FBXO22: variants seen among roughly 807,000 people sequenced by gnomAD.
FBXO22 encodes the protein F-box only protein 22.
Under a neutral mutation model 37.2 loss-of-function variants are expected in FBXO22, and 13 were observed. That is an observed-to-expected ratio of 0.35 (90% confidence interval 0.23 to 0.56). The LOEUF (loss-of-function observed/expected upper bound fraction) is 0.56. Ranked by LOEUF, FBXO22 falls within the 20% of genes least tolerant of loss-of-function variation. FBXO22 has a pLI of 0.87. For missense variants in FBXO22, 446 were observed against 509.9 expected (o/e 0.87, Z 1.21); for synonymous variants, 189 against 189.1 (o/e 1.00, Z 0.00).
intron 2 of FBXO22, among the ~76,000 whole-genome samples, chr15:75,907,068 A>G (rs1329142316): frequency 6.6e-6 from 1 of 152,054 alleles, no homozygotes; most frequent in Non-Finnish European, 1.5e-5. Flanking sequence ...AAAGTTTTCT[A>G]TGGTTTTTAA....
intron 2 of FBXO22, among the ~76,000 whole-genome samples, chr15:75,908,253 T>C (rs547905115): frequency 6.6e-6 from 1 of 151,950 alleles, no homozygotes; most frequent in Non-Finnish European, 1.5e-5. Flanking sequence ...CACTAAGACC[T>C]AAATCTGTTT....
At position 75,913,187 on chromosome 15, in the gene FBXO22, T is replaced by C; in HGVS notation, c.280-16T>C. The C allele has an allele frequency of 5.0e-6, 8 of 1,591,962 alleles. 1 individual carries two copies. In the South Asian group the frequency reaches 8.9e-5, roughly 18 times the overall value. On this transcript the variant is annotated splice_polypyrimidine_tract_variant and intron_variant, in intron 2 of 6. Transcript: ENST00000308275. ...ATTCATGGGATCCAATTCCAATTTTTTTTTTTTCTTTGCAGAATGTTCGCA... is the reference window on the plus strand; with the variant it reads ...ATTCATGGGATCCAATTCCAATTTTCTTTTTTTCTTTGCAGAATGTTCGCA...
chr15:75,929,642 T>TTTTAG (rs897546584), intron 5 of FBXO22, among the ~76,000 whole-genome samples: 16 of 152,120 alleles, frequency 1.1e-4, no homozygotes, highest in Non-Finnish European at 2.2e-4. Flanking sequence ...AGCCATTTAG[T>TTTTAG]TTTTTTAATA....
Position 75,929,309 on chromosome 15 carries a change from C to CAA in FBXO22, c.629-563_629-562dup, listed in dbSNP as rs11378024. ...TAACATAGCGAGACCCCATCTCTAC[C>CAA]AAAAAAAAAAAAATTTTTTTTAAAG... On this transcript the variant is annotated intron_variant, in intron 5 of 6. Coordinates refer to ENST00000308275, the MANE Select transcript of FBXO22 (RefSeq NM_147188.3). Among the ~76,000 whole-genome samples the CAA allele has an allele frequency of 1.0e-3, 152 of 146,816 alleles. 1 individual carries two copies. Among genetic ancestry groups the CAA allele is most frequent in the Admixed American group, 1.6e-3 (24 of 14,800 alleles).
Position 75,939,893 on chromosome 15 carries a change from AG to A in FBXO22, c.*6792del, listed in dbSNP as rs1479583063. 6.6e-6 allele frequency: 1 copy of A among 152,128 alleles called. No individual in the cohort carries two copies. The highest frequency in any genetic ancestry group is 1.5e-5 in the Non-Finnish European group (1 of 67,986). 9.4% of individuals were successfully genotyped at this position (152,128 alleles called of 1,614,324 possible). On this transcript the variant is annotated 3_prime_UTR_variant, in exon 7 of 7. Transcript: ENST00000308275. ...GAGGAAACTACCTGAACATAATAAA[AG>A]CCAGACATGAAAAGCCCACGGTAGA... is the stretch of plus-strand genomic sequence containing the variant.
At chr15:75,931,495 A>G (rs541766464) in intron 6 of FBXO22, among the ~76,000 whole-genome samples, 61 of 152,366 alleles carry the variant, frequency 4.0e-4, no homozygotes, top group Non-Finnish European at 6.2e-4. Flanking sequence ...GAAATGTGAT[A>G]AAGTTTTAAG....
rs1020187483 is a variant in FBXO22 at position 75,913,275 on chromosome 15, C to T, written c.352C>T (p.Arg118Cys). 9.9e-6 allele frequency: 16 copies of T among 1,608,126 alleles called. No homozygotes were observed. The highest frequency in any genetic ancestry group is 1.2e-5 in the Non-Finnish European group (14 of 1,176,548). ...AACTTTCATTAGTCTGGAAGAGTGT[C>T]GTGGCCATAAGAGAGGTAAATATCA... ...SETFISLEEC[R>C]GHKRARKRTS... Residue 118 changes from arginine (R) to cysteine (C), a missense_variant, in exon 3 of 7, where the codon CGT becomes TGT. By Grantham distance (180) the Arg-to-Cys change is radical. Coordinates refer to ENST00000308275, the MANE Select transcript of FBXO22 (RefSeq NM_147188.3).
At position 75,933,031 on chromosome 15, in the gene FBXO22, G is replaced by A. The variant is rs1316063866; in HGVS notation, c.1141G>A (p.Val381Ile). 1.9e-6 allele frequency: 3 copies of A among 1,614,156 alleles called. No individual in the cohort carries two copies. The Admixed American group carries it at 5.0e-5, about 27-fold the overall frequency. Residue 381 changes from valine (V) to isoleucine (I), a missense_variant, in exon 7 of 7, where the codon GTA (valine) becomes ATA (isoleucine). Physicochemically the swap from Val to Ile is conservative, Grantham distance 29. Transcript: ENST00000308275. ...CTTTATATTGAGGAAATGTAATGAG[G>A]TAAAAGATGATGATCTGTTTCATAG... ...GNFILRKCNE[V>I]KDDDLFHSYT...
chr15:75,917,966 G>C (rs1211244870), intron 5 of FBXO22, among the ~76,000 whole-genome samples: 1 of 152,142 alleles, frequency 6.6e-6, no homozygotes, highest in Non-Finnish European at 1.5e-5. Flanking sequence ...AAGAGGTAAA[G>C]GGTTGGCTTA....
rs932595717 is a variant in FBXO22, at chr15:75,904,116, G to A, written c.140+13G>A. Reference sequence around the variant, plus strand: ...TGCGGGTGGCCTGGTGAGGAGAGGAGGCGGAGGCGGGAAGCTTGCCTGGGG... The same window carrying A: ...TGCGGGTGGCCTGGTGAGGAGAGGAAGCGGAGGCGGGAAGCTTGCCTGGGG... On this transcript the variant is annotated intron_variant, in intron 1 of 6. Coordinates refer to ENST00000308275, the MANE Select transcript of FBXO22 (RefSeq NM_147188.3). The A allele has an allele frequency of 2.5e-5, 38 of 1,532,246 alleles. No individual in the cohort carries two copies. The African/African-American group carries it at 5.0e-4, about 20-fold the overall frequency. 94.9% of individuals were successfully genotyped at this position (1,532,246 alleles called of 1,614,324 possible).
chr15:75,916,682 T>C (rs886568645), intron 4 of FBXO22, among the ~76,000 whole-genome samples: 1 of 152,230 alleles, frequency 6.6e-6, no homozygotes, highest in African/African-American at 2.4e-5. Context: ...TTTCCATGTC[T>C]ATAAATATAT....
intron 5 of FBXO22, 131 bp downstream of exon 5, chr15:75,917,525 T>G (rs1055109661): frequency 1.4e-5 from 9 of 620,712 alleles, no homozygotes; most frequent in South Asian, 9.1e-5. Context: ...TCACTGGAGA[T>G]GTGGCTAATT....
intron 2 of FBXO22, among the ~76,000 whole-genome samples, chr15:75,908,312 G>A (rs548462482): frequency 4.7e-5 from 7 of 149,928 alleles, no homozygotes; most frequent in African/African-American, 7.4e-5. Flanking sequence ...CTCGCCTGTC[G>A]CCCAGGCTGG....
intron 5 of FBXO22, among the ~76,000 whole-genome samples, chr15:75,927,428 C>A (rs996556612): frequency 1.3e-5 from 2 of 152,090 alleles, no homozygotes; most frequent in Admixed American, 1.3e-4. Context: ...CATGAGGTTT[C>A]TAAAAGCTAA....
chr15:75,916,450 G>A (rs954551642), intron 4 of FBXO22, among the ~76,000 whole-genome samples: 1 of 152,134 alleles, frequency 6.6e-6, no homozygotes, highest in Non-Finnish European at 1.5e-5. Flanking sequence ...AGCATGCTTG[G>A]TGTCTCTTCC....
At position 75,933,094 on chromosome 15, in the gene FBXO22, T is replaced by C; in HGVS notation, c.1204T>C (p.Ser402Pro). The C allele has an allele frequency of 1.9e-6, 3 of 1,591,228 alleles. No homozygotes were observed. Among genetic ancestry groups the C allele is most frequent in the Non-Finnish European group, 2.6e-6 (3 of 1,169,986 alleles). Residue 402 changes from serine (S) to proline (P), a missense_variant, in exon 7 of 7, where the codon TCT becomes CCT. This residue lies in a region of FBXO22 where 315 missense variants were observed against 410.1 expected (regional missense o/e 0.77). Coordinates refer to ENST00000308275, the MANE Select transcript of FBXO22 (RefSeq NM_147188.3). ...TIMALIHLGSSK is the reference protein window; with the variant it reads ...TIMALIHLGSPK ...AATGGCACTCATACATCTGGGGTCA[T>C]CTAAATAATAATTAAAGTGGCTTTC...
At chr15:75,920,471 T>C (rs1438616580) in intron 5 of FBXO22, among the ~76,000 whole-genome samples, 2 of 152,150 alleles carry the variant, frequency 1.3e-5, no homozygotes, top group African/African-American at 2.4e-5. Flanking sequence ...ATCAATGTGT[T>C]GATGTTGACG....
chr15:75,934,322 TC>T lies in FBXO22; in HGVS notation c.*1221del, dbSNP rs1208381100. 2 of 152,272 alleles carry T rather than the reference TC, an allele frequency of 1.3e-5. No homozygotes were observed. Among genetic ancestry groups the T allele is most frequent in the Non-Finnish European group, 2.9e-5 (2 of 68,102 alleles). 9.4% of individuals were successfully genotyped at this position (152,272 alleles called of 1,614,324 possible). ...GAAGGATCCTGGTCCCTGTACGACC[TC>T]ATTGAAGAAACACCATAAGTGGCGT... is the stretch of plus-strand genomic sequence containing the variant. On this transcript the variant is annotated 3_prime_UTR_variant, in exon 7 of 7. Transcript: ENST00000308275.
rs1282205799 is a variant in FBXO22, at chr15:75,932,708, C to T, written c.818C>T (p.Ser273Leu). 5.6e-6 allele frequency: 9 copies of T among 1,606,582 alleles called. No homozygotes were observed. Among genetic ancestry groups the T allele is most frequent in the Non-Finnish European group, 6.8e-6 (8 of 1,176,046 alleles). The change falls in exon 7 of 7, where the codon TCG (serine) becomes TTG (leucine). Residue 273 changes from serine to leucine, a missense_variant. Around this residue, in one of 2 missense-constraint regions of FBXO22, gnomAD observed 315 missense variants for 410.1 expected, o/e 0.77. Coordinates refer to ENST00000308275, the MANE Select transcript of FBXO22 (RefSeq NM_147188.3). Reference protein sequence around the residue: ...SEKNPLDIDASGVVGLSFSGH... With the variant: ...SEKNPLDIDALGVVGLSFSGH... ...AGGAACCCTCTGGATATTGATGCCT[C>T]GGGTGTGGTTGGACTGTCATTTAGT...
Sources: gnomAD v4.1 joint callset for allele counts (sites outside exome capture counted in the v4.1 genomes callset) on GRCh38, gnomAD v4.1.1 for gene constraint, gnomAD v4.1.1 regional missense constraint, MANE v1.5 for transcripts, NCBI Gene and HGNC (gene_info 2026-07-23, HGNC 2026-07-21) for gene names.